ULK4: variants seen among roughly 807,000 people sequenced by gnomAD.
The protein encoded by ULK4 is inactive serine/threonine-protein kinase ULK4.
A neutral mutation model predicts 160.6 loss-of-function variants in ULK4; 133 were observed. The observed-to-expected ratio is 0.83, with a 90% CI of 0.72 to 0.96. The LOEUF is 0.96. ULK4 is among the 40% of genes least tolerant of loss of function. The pLI is 0.00. For missense variants in ULK4, 1,580 were observed against 1,499.5 expected (o/e 1.05, Z -0.89); for synonymous variants, 534 against 539.8 (o/e 0.99, Z 0.15).
intron 34 of ULK4, among the ~76,000 whole-genome samples, chr3:41,404,749 GCTCT>G (rs147489230): frequency 1.3e-5 from 2 of 152,094 alleles, no homozygotes; most frequent in African/African-American, 4.8e-5. Context: ...ATGTGCTCAG[GCTCT>G]CTCTCTCGCC....
At chr3:41,929,186 C>T (rs746511506) in intron 5 of ULK4, among the ~76,000 whole-genome samples, 38 of 152,152 alleles carry the variant, frequency 2.5e-4, no homozygotes, top group South Asian at 6.2e-4. Context: ...GCTGGTTCAA[C>T]ATACACAAAT....
At chr3:41,551,555 C>A (rs1215612823) in intron 32 of ULK4, among the ~76,000 whole-genome samples, 1 of 151,618 alleles carries the variant, frequency 6.6e-6, no homozygotes, top group Non-Finnish European at 1.5e-5. Context: ...ATACAACTGC[C>A]AAGATTGAAT....
rs149202849 is a variant in ULK4 at position 41,552,213 on chromosome 3, C to T, written c.3226+13812G>A. 7.7e-3 allele frequency among the ~76,000 whole-genome samples: 1,174 copies of T among 152,042 alleles called. 11 individuals are homozygous for T. The highest frequency in any genetic ancestry group is 0.034 in the Middle Eastern group (10 of 292). Reference sequence around the variant, plus strand: ...TAAGAACTGGAACAAGATAAGGATGCCCACTTTCACCACTCCTATACAACA... The same window carrying T: ...TAAGAACTGGAACAAGATAAGGATGTCCACTTTCACCACTCCTATACAACA... On this transcript the variant is annotated intron_variant, in intron 32 of 36. Transcript: ENST00000301831.
chr3:41,889,834 A>T (rs760839380), intron 16 of ULK4, among the ~76,000 whole-genome samples: 1 of 152,246 alleles, frequency 6.6e-6, no homozygotes, highest in African/African-American at 2.4e-5. Context: ...ACCATTATTC[A>T]TAATAGCCAA....
At chr3:41,620,428 T>A (rs997630333) in intron 30 of ULK4, among the ~76,000 whole-genome samples, 5 of 152,128 alleles carry the variant, frequency 3.3e-5, no homozygotes, top group Non-Finnish European at 7.4e-5. Flanking sequence ...ACGATCAAGT[T>A]GGCTTCATCC....
intron 22 of ULK4, among the ~76,000 whole-genome samples, chr3:41,718,144 A>G (rs901723197): frequency 6.6e-6 from 1 of 152,228 alleles, no homozygotes; most frequent in Non-Finnish European, 1.5e-5. Flanking sequence ...TGAAAGACAA[A>G]GAGATGTCTG....
intron 35 of ULK4, among the ~76,000 whole-genome samples, chr3:41,394,105 A>G (rs1274871342): frequency 2.0e-5 from 3 of 152,188 alleles, no homozygotes; most frequent in Non-Finnish European, 4.4e-5. Flanking sequence ...ACTGATGAAC[A>G]ACTTTTACAC....
intron 32 of ULK4, among the ~76,000 whole-genome samples, chr3:41,528,480 C>A (rs1434637183): frequency 2.8e-4 from 42 of 152,112 alleles, no homozygotes; most frequent in Non-Finnish European, 1.2e-4. Flanking sequence ...ATCTCAAAAG[C>A]CTCAAAAAAT....
At chr3:41,622,829 G>C (rs1040425619) in intron 30 of ULK4, among the ~76,000 whole-genome samples, 2 of 151,982 alleles carry the variant, frequency 1.3e-5, no homozygotes, top group African/African-American at 2.4e-5. Flanking sequence ...GATTTTTTCC[G>C]TAACAGTCCA....
intron 22 of ULK4, among the ~76,000 whole-genome samples, chr3:41,725,250 CAG>C (rs2037610061): frequency 6.6e-6 from 1 of 152,162 alleles, no homozygotes; most frequent in African/African-American, 2.4e-5. Flanking sequence ...CAAATTTAAA[CAG>C]AAAATCATAA....
At chr3:41,590,356 C>G (rs1395443654) in intron 31 of ULK4, among the ~76,000 whole-genome samples, 3 of 150,180 alleles carry the variant, frequency 2.0e-5, no homozygotes, top group Admixed American at 6.7e-5. Context: ...TGGCTCACAC[C>G]TGTAATCCCA....
chr3:41,624,084 C>T (rs2033378596), intron 30 of ULK4, among the ~76,000 whole-genome samples: 1 of 152,192 alleles, frequency 6.6e-6, no homozygotes, highest in African/African-American at 2.4e-5. Context: ...TCTCTCTTTC[C>T]TGGGCAATTG....
intron 18 of ULK4, among the ~76,000 whole-genome samples, chr3:41,822,867 G>A (rs973504448): frequency 7.4e-5 from 11 of 149,604 alleles, no homozygotes; most frequent in African/African-American, 1.7e-4. Context: ...GACTACAGGC[G>A]CCCACCACCA....
chr3:41,689,525 T>G (rs926255044), intron 27 of ULK4, among the ~76,000 whole-genome samples: 1 of 152,110 alleles, frequency 6.6e-6, no homozygotes, highest in African/African-American at 2.4e-5. Context: ...GGGAGAAAAT[T>G]TTCGCAACCT....
chr3:41,679,140 A>T (rs934354239), intron 29 of ULK4, among the ~76,000 whole-genome samples: 3 of 152,194 alleles, frequency 2.0e-5, no homozygotes, highest in Non-Finnish European at 4.4e-5. Flanking sequence ...ATTCATTTCC[A>T]TGAAGTATGT....
At chr3:41,605,837 A>G (rs563575035) in intron 31 of ULK4, among the ~76,000 whole-genome samples, 5 of 152,190 alleles carry the variant, frequency 3.3e-5, no homozygotes, top group South Asian at 2.1e-4. Flanking sequence ...ATTTATGAAA[A>G]TAGACCATAT....
At chr3:41,648,629 G>A (rs958642869) in intron 30 of ULK4, among the ~76,000 whole-genome samples, 2 of 152,030 alleles carry the variant, frequency 1.3e-5, no homozygotes, top group Non-Finnish European at 2.9e-5. Flanking sequence ...TCACTTTTAA[G>A]CATCTCAAAG....
intron 2 of ULK4, among the ~76,000 whole-genome samples, chr3:41,953,304 A>ATATATATTTT (rs1181182812): frequency 8.1e-4 from 101 of 124,742 alleles, no homozygotes; most frequent in African/African-American, 3.0e-3. Context: ...ATATATATAT[A>ATATATATTTT]TTTTTTTTTT....
chr3:41,396,113 T>C (rs971016894), intron 35 of ULK4, among the ~76,000 whole-genome samples: 2 of 152,042 alleles, frequency 1.3e-5, no homozygotes, highest in Non-Finnish European at 2.9e-5. Context: ...AAATCCAAAC[T>C]TTTTTTCGTA....
Sources: gnomAD v4.1 joint callset for allele counts (sites outside exome capture counted in the v4.1 genomes callset) on GRCh38, gnomAD v4.1.1 for gene constraint, MANE v1.5 for transcripts, NCBI Gene and HGNC (gene_info 2026-07-23, HGNC 2026-07-21) for gene names.